NRXN3: variants seen among roughly 807,000 people sequenced by gnomAD.
The protein encoded by NRXN3 is neurexin III.
NRXN3 carries 32 observed loss-of-function variants against 137.6 expected under a neutral mutation model. That is an observed-to-expected ratio of 0.23 (90% CI 0.18 to 0.31). The LOEUF is 0.31. NRXN3 is among the 10% of genes least tolerant of loss of function. The probability of loss-of-function intolerance (pLI) is 1.00; values close to 1 mark genes in which losing one functional copy is unlikely to be tolerated. For synonymous variants in NRXN3, 798 were observed against 784.5 expected, an observed-to-expected ratio of 1.02 and a Z score of -0.29; for missense variants, 1,574 against 2,062.5, an observed-to-expected ratio of 0.76 and a Z score of 4.59.
chr14:79,547,808 C>A (rs1362141940), intron 16 of NRXN3, among the ~76,000 whole-genome samples: 1 of 152,168 alleles, frequency 6.6e-6, no homozygotes, highest in Non-Finnish European at 1.5e-5. Flanking sequence ...TCAACACATG[C>A]CTTCGAGAAC....
chr14:79,598,717 G>A (rs221426), intron 16 of NRXN3, among the ~76,000 whole-genome samples: 44,196 of 152,086 alleles, frequency 0.29, 8,832 homozygotes, highest in African/African-American at 0.56. Flanking sequence ...GTGGGTTTGG[G>A]GAGAAGCAGA....
At chr14:79,313,922 T>G (rs1265567290) in intron 15 of NRXN3, 1 of 142,058 alleles carries the variant, frequency 7.0e-6, no homozygotes, top group Non-Finnish European at 1.5e-5. Flanking sequence ...GTCTGAAGCC[T>G]TCTTCTCTCA....
intron 4 of NRXN3, among the ~76,000 whole-genome samples, chr14:78,495,142 T>TGTGC (rs973476327): frequency 4.3e-5 from 6 of 140,862 alleles, no homozygotes; most frequent in African/African-American, 1.7e-4. Context: ...TGCGTGCGTG[T>TGTGC]GTGTGTGTGT....
intron 19 of NRXN3, among the ~76,000 whole-genome samples, chr14:79,773,178 T>A (rs1227666485): frequency 6.6e-6 from 1 of 152,168 alleles, no homozygotes; most frequent in Non-Finnish European, 1.5e-5. Context: ...ACACTGTTGG[T>A]GGGACTGTAA....
intron 4 of NRXN3, among the ~76,000 whole-genome samples, chr14:78,410,793 G>A (rs2092780324): frequency 6.6e-6 from 1 of 152,232 alleles, no homozygotes; most frequent in African/African-American, 2.4e-5. Context: ...AAACTCCGCA[G>A]GAGGGATATT....
At chr14:79,574,220 A>ACC (rs1179800006) in intron 16 of NRXN3, among the ~76,000 whole-genome samples, 1 of 144,810 alleles carries the variant, frequency 6.9e-6, no homozygotes. Context: ...GCGTGCATGC[A>ACC]CCCACACACA....
At chr14:78,186,174 A>G (rs1250586838) in intron 1 of NRXN3, among the ~76,000 whole-genome samples, 1 of 152,190 alleles carries the variant, frequency 6.6e-6, no homozygotes, top group Non-Finnish European at 1.5e-5. Flanking sequence ...ATTGGGCAGG[A>G]AGGAGGAGAG....
Position 78,715,071 on chromosome 14 carries a change from A to G in NRXN3, c.1976A>G (p.Lys659Arg), listed in dbSNP as rs1417579941. 13 of 1,613,610 alleles carry G rather than the reference A, an allele frequency of 8.1e-6. No homozygotes were observed. Among genetic ancestry groups the G allele is most frequent in the South Asian group, 1.1e-5 (1 of 91,086 alleles). Residue 659 changes from lysine to arginine, a missense_variant, in exon 8 of 21, where the codon AAG becomes AGG. Around this residue, in one of 5 missense-constraint regions of NRXN3, gnomAD observed 718 missense variants for 887.6 expected, o/e 0.81. Coordinates refer to ENST00000335750, the MANE Select transcript of NRXN3 (RefSeq NM_001330195.2). ...CCCTGCAAGAATAATGCTGTGTGCAAGGACGGCTGGAACCGCTTCATCTGC... is the reference window on the plus strand; with the variant it reads ...CCCTGCAAGAATAATGCTGTGTGCAGGGACGGCTGGAACCGCTTCATCTGC... Reference protein sequence around the residue: ...SYPCKNNAVCKDGWNRFICDC... With the variant: ...SYPCKNNAVCRDGWNRFICDC...
At chr14:78,279,991 C>T (rs1445794928) in intron 3 of NRXN3, among the ~76,000 whole-genome samples, 1 of 152,168 alleles carries the variant, frequency 6.6e-6, no homozygotes, top group Non-Finnish European at 1.5e-5. Context: ...CCTGCCTGCT[C>T]CCTACCTTTG....
chr14:79,670,395 C>T (rs1306750465), intron 17 of NRXN3, among the ~76,000 whole-genome samples: 1 of 152,020 alleles, frequency 6.6e-6, no homozygotes, highest in African/African-American at 2.4e-5. Flanking sequence ...TAACCAAGGG[C>T]CCCTGGCCCT....
At chr14:79,217,557 A>G (rs1386946769) in intron 15 of NRXN3, among the ~76,000 whole-genome samples, 2 of 152,246 alleles carry the variant, frequency 1.3e-5, no homozygotes, top group Non-Finnish European at 2.9e-5. Context: ...ATGGGAACAT[A>G]TAAGTGAGAA....
chr14:78,653,735 A>G (rs1004956421), intron 6 of NRXN3, among the ~76,000 whole-genome samples: 4 of 152,026 alleles, frequency 2.6e-5, no homozygotes, highest in African/African-American at 9.7e-5. Flanking sequence ...ACACACACAC[A>G]CACACACATT....
intron 15 of NRXN3, among the ~76,000 whole-genome samples, chr14:79,363,065 A>T (rs1485116123): frequency 1.3e-5 from 2 of 148,206 alleles, no homozygotes; most frequent in African/African-American, 5.0e-5. Context: ...CAATGGTGTG[A>T]TCTTGGCTCA....
rs2097298359 is a variant in NRXN3 at position 78,611,289 on chromosome 14, T to G, written c.758-33831T>G. Among the ~76,000 whole-genome samples the G allele has an allele frequency of 2.0e-5, 3 of 152,314 alleles. No homozygotes were observed. In the South Asian group the frequency reaches 6.2e-4, roughly 32 times the overall value. On this transcript the variant is annotated intron_variant, in intron 4 of 20. Coordinates refer to ENST00000335750, the MANE Select transcript of NRXN3 (RefSeq NM_001330195.2). Reference sequence around the variant, plus strand: ...TGCTGGGGGGATTTATTTGTTACTGTACCAGCACCAGTTTCTATTTACTTC... The same window carrying G: ...TGCTGGGGGGATTTATTTGTTACTGGACCAGCACCAGTTTCTATTTACTTC...
rs556691233 is a variant in NRXN3 at position 79,067,287 on chromosome 14, A to T, written c.3262+79146A>T. The stretch of plus-strand genomic sequence containing the variant: ...CACATTTATTGATTTGCATATGTTG[A>T]ACCAAACTTGCATCCCAGTGATGAA... On this transcript the variant is annotated intron_variant, in intron 15 of 20. Transcript: ENST00000335750. 2.6e-5 allele frequency among the ~76,000 whole-genome samples: 4 copies of T among 152,296 alleles called. No homozygotes were observed. In the East Asian group the frequency reaches 7.7e-4, roughly 29 times the overall value.
chr14:78,941,434 A>T (rs1223235137), intron 10 of NRXN3, among the ~76,000 whole-genome samples: 2 of 151,924 alleles, frequency 1.3e-5, no homozygotes, highest in African/African-American at 4.8e-5. Context: ...TCACCCAGCC[A>T]CCCCCATTCT....
intron 4 of NRXN3, among the ~76,000 whole-genome samples, chr14:78,458,343 C>T (rs868721076): frequency 1.1e-4 from 16 of 152,144 alleles, no homozygotes; most frequent in African/African-American, 2.9e-4. Flanking sequence ...AAGTGAGGGG[C>T]TTAGACAACA....
intron 8 of NRXN3, among the ~76,000 whole-genome samples, chr14:78,775,745 T>G (rs2098742954): frequency 1.3e-5 from 2 of 152,242 alleles, no homozygotes. Flanking sequence ...TTTCTCAATT[T>G]GTTAAACAAG....
chr14:79,145,522 C>T (rs1037808850), intron 15 of NRXN3, among the ~76,000 whole-genome samples: 4 of 151,962 alleles, frequency 2.6e-5, no homozygotes, highest in Non-Finnish European at 5.9e-5. Flanking sequence ...TTTAATGAGC[C>T]GTTGTAGAGC....
Sources: gnomAD v4.1 joint callset for allele counts (sites outside exome capture counted in the v4.1 genomes callset) on GRCh38, gnomAD v4.1.1 for gene constraint, gnomAD v4.1.1 regional missense constraint, MANE v1.5 for transcripts, NCBI Gene and HGNC (gene_info 2026-07-23, HGNC 2026-07-21) for gene names.